SRP19: variants seen among roughly 807,000 people sequenced by gnomAD.
SRP19 encodes signal recognition particle 19 kDa protein.
Under a neutral mutation model 22.4 loss-of-function variants are expected in SRP19, and 11 were observed. That is an observed-to-expected ratio of 0.49 (90% CI 0.31 to 0.81). The LOEUF (loss-of-function observed/expected upper bound fraction) is 0.81, where lower values mean the gene tolerates loss of function less well. SRP19 is among the 40% of genes least tolerant of loss of function. SRP19 has a pLI of 0.05. For synonymous variants in SRP19, 61 were observed against 57.6 expected (o/e 1.06, Z -0.27); for missense variants, 168 against 175.9 (o/e 0.96, Z 0.25).
downstream of SRP19, among the ~76,000 whole-genome samples, chr5:112,871,753 C>T (rs1479326298): frequency 4.6e-5 from 7 of 151,898 alleles, no homozygotes; most frequent in African/African-American, 1.2e-4. Flanking sequence ...AGTGAAACTC[C>T]GTCTCAAAAA....
downstream of SRP19, among the ~76,000 whole-genome samples, chr5:112,872,073 G>C (rs1299125392): frequency 6.6e-6 from 1 of 152,160 alleles, no homozygotes; most frequent in African/African-American, 2.4e-5. Flanking sequence ...AGAGGATTTA[G>C]TTTTTCTTCT....
chr5:112,889,365 G>C (rs962878729), intron 4 of SRP19, among the ~76,000 whole-genome samples: 1 of 150,712 alleles, frequency 6.6e-6, no homozygotes, highest in African/African-American at 2.5e-5. Context: ...TTATGGGAAA[G>C]ATATATCAGA....
chr5:112,890,744 A>G (rs1768413580), intron 4 of SRP19, among the ~76,000 whole-genome samples: 1 of 150,784 alleles, frequency 6.6e-6, no homozygotes, highest in Non-Finnish European at 1.5e-5. Context: ...AAGAGTTAAT[A>G]TAGTATATAG....
chr5:112,885,983 A>G (rs1377378754), intron 4 of SRP19, among the ~76,000 whole-genome samples: 1 of 152,218 alleles, frequency 6.6e-6, no homozygotes, highest in African/African-American at 2.4e-5. Context: ...GGATGTTTAC[A>G]GTGACTGTGG....
At chr5:112,861,911 G>A (rs188492481) in intron 1 of SRP19, among the ~76,000 whole-genome samples, 222 of 152,186 alleles carry the variant, frequency 1.5e-3, no homozygotes, top group Non-Finnish European at 2.7e-3. Flanking sequence ...CAAGGTAGTG[G>A]ATAAAGTTTA....
intron 4 of SRP19, among the ~76,000 whole-genome samples, chr5:112,883,136 CTT>C (rs1768128634): frequency 6.6e-6 from 1 of 152,214 alleles, no homozygotes; most frequent in Non-Finnish European, 1.5e-5. Flanking sequence ...AAGAAAAAAA[CTT>C]TTAAAATTTC....
At chr5:112,898,181 T>C (rs1210179899) in exon 4 of SRP19, 1 of 152,200 alleles carries the variant, frequency 6.6e-6, no homozygotes, top group African/African-American at 2.4e-5. Flanking sequence ...TTCAATACTC[T>C]CCTGAACCTT....
At chr5:112,876,275 GT>G (rs1227715003) in intron 4 of SRP19, 2 of 152,228 alleles carry the variant, frequency 1.3e-5, no homozygotes, top group South Asian at 2.1e-4. Context: ...GAGGAATAGA[GT>G]TAATAAAGAG....
intron 4 of SRP19, chr5:112,885,164 G>A (rs1337083773): frequency 1.2e-5 from 2 of 170,260 alleles, no homozygotes; most frequent in Middle Eastern, 1.7e-3. Context: ...TGCTGCTCAT[G>A]GTGCCAGCCC....
In SRP19 at chr5:112,869,641, A is replaced by T. The variant is rs1270750103; in HGVS notation, c.*2104A>T. ...CTTGAATTATAATCCCCAAATCCCTATGTGTTAAGGGTGGGACCAGGTGGA... is the reference window on the plus strand; with the variant it reads ...CTTGAATTATAATCCCCAAATCCCTTTGTGTTAAGGGTGGGACCAGGTGGA... On this transcript the variant is annotated 3_prime_UTR_variant, in exon 5 of 5. Coordinates refer to ENST00000505459, the MANE Select transcript of SRP19 (RefSeq NM_003135.3). 1 of 152,142 alleles carries T rather than the reference A, an allele frequency of 6.6e-6. No individual in the cohort carries two copies. The highest frequency in any genetic ancestry group is 1.9e-4 in the East Asian group (1 of 5,186). The allele number at this position is 152,142 out of a possible 1,614,324, so 9.4% of individuals were successfully genotyped here.
At chr5:112,885,324 T>C (rs1280545912) in intron 4 of SRP19, 3 of 177,108 alleles carry the variant, frequency 1.7e-5, no homozygotes, top group Admixed American at 1.3e-4. Context: ...AAGTGGTAGA[T>C]TTAGAACAGA....
chr5:112,873,345 CTTT>C (rs71626678), downstream of SRP19, among the ~76,000 whole-genome samples: 14 of 58,994 alleles, frequency 2.4e-4, no homozygotes, highest in Admixed American at 1.1e-3. Context: ...CTTTCCTATT[CTTT>C]TTTTTTTTTT....
At chr5:112,861,487 C>T in intron 1 of SRP19, 70 bp downstream of exon 1, 2 of 1,524,646 alleles carry the variant, frequency 1.3e-6, no homozygotes, top group Non-Finnish European at 1.8e-6. Flanking sequence ...CTACACCGCG[C>T]TTCTCCGCTC....
intron 2 of SRP19, 137 bp from the exon 3 acceptor site, chr5:112,864,320 G>C: frequency 1.5e-6 from 1 of 676,998 alleles, no homozygotes. Context: ...TACAATAGAA[G>C]CATCTGTACT....
chr5:112,864,368 G>T, intron 2 of SRP19, 89 bp from the exon 3 acceptor site: 2 of 1,137,124 alleles, frequency 1.8e-6, no homozygotes, highest in South Asian at 1.3e-5. Flanking sequence ...GTACTTGTTT[G>T]ATTATAGTAT....
At chr5:112,878,058 C>G (rs867857656) in intron 4 of SRP19, 1 of 147,216 alleles carries the variant, frequency 6.8e-6, no homozygotes, top group Non-Finnish European at 1.5e-5. Context: ...GAGTAACTAA[C>G]TAACTAACTG....
exon 5 of SRP19, chr5:112,892,526 G>T: frequency 6.2e-7 from 1 of 1,614,190 alleles, no homozygotes; most frequent in Non-Finnish European, 8.5e-7. Context: ...AACGGACGAT[G>T]GTATGCAGGA....
intron 1 of SRP19, 42 bp downstream of exon 1, chr5:112,861,459 G>A: frequency 1.2e-6 from 2 of 1,603,486 alleles, no homozygotes; most frequent in East Asian, 2.2e-5. Flanking sequence ...GAAGGGGCTT[G>A]CTGTGGTGCT....
chr5:112,866,116 C>CTTTTTTT (rs67108157), intron 4 of SRP19, among the ~76,000 whole-genome samples: 1 of 142,014 alleles, frequency 7.0e-6, no homozygotes, highest in Non-Finnish European at 1.5e-5. Flanking sequence ...AGTCTTTTTT[C>CTTTTTTT]TTTTTTTTTT....
Sources: allele counts gnomAD v4.1 joint callset (sites outside exome capture counted in the v4.1 genomes callset), GRCh38; gene constraint gnomAD v4.1.1; transcripts MANE v1.5; gene names NCBI Gene and HGNC (gene_info 2026-07-23, HGNC 2026-07-21).